Variants in STARD6 observed in about 807,000 individuals in gnomAD.
STARD6 encodes stAR-related lipid transfer protein 6.
A neutral mutation model predicts 22.3 loss-of-function variants in STARD6; 21 were observed. The observed-to-expected ratio is 0.94, with a 90% CI of 0.67 to 1.35. The LOEUF (loss-of-function observed/expected upper bound fraction) is 1.35. STARD6 is among the 40% of genes most tolerant of loss of function. STARD6 has a pLI of 0.00. For missense variants in STARD6, 269 were observed against 266.9 expected (o/e 1.01, Z -0.05); for synonymous variants, 80 against 88.1 (o/e 0.91, Z 0.52).
rs550084848 is a variant in STARD6 at position 54,326,251 on chromosome 18, A to T, written c.480-1376T>A. Among the ~76,000 whole-genome samples, 790 of 152,246 alleles carry T rather than the reference A, an allele frequency of 5.2e-3. 3 individuals carry two copies. Among genetic ancestry groups the T allele is most frequent in the Non-Finnish European group, 8.5e-3 (577 of 68,026 alleles). ...TCTGATTAGTGGCTAGTTGAGAAAA[A>T]ATTCTTTTCCAAGTCATGCCATTTT... On this transcript the variant is annotated intron_variant, in intron 7 of 7. Coordinates refer to ENST00000307844, the MANE Select transcript of STARD6 (RefSeq NM_139171.2).
chr18:54,349,049 T>C (rs767824595), intron 4 of STARD6, among the ~76,000 whole-genome samples: 3 of 152,156 alleles, frequency 2.0e-5, no homozygotes, highest in African/African-American at 2.4e-5. Flanking sequence ...AATGCAGTGA[T>C]TTATTTCTAG....
chr18:54,327,900 A>C (rs773526289), intron 7 of STARD6, among the ~76,000 whole-genome samples: 1 of 151,946 alleles, frequency 6.6e-6, no homozygotes, highest in African/African-American at 2.4e-5. Flanking sequence ...TCATTTATCC[A>C]AGGTCAACCT....
intron 4 of STARD6, among the ~76,000 whole-genome samples, chr18:54,343,268 C>A (rs1258163904): frequency 1.1e-5 from 1 of 93,866 alleles, no homozygotes; most frequent in Non-Finnish European, 2.3e-5. Flanking sequence ...CGCCCGGCAG[C>A]TGCCCCGTCT....
chr18:54,325,042 T>C (rs1198826516), intron 7 of STARD6, among the ~76,000 whole-genome samples, 167 bp from the exon 8 acceptor site: 1 of 152,198 alleles, frequency 6.6e-6, no homozygotes, highest in Non-Finnish European at 1.5e-5. Flanking sequence ...TCTTGAGTTT[T>C]AGGCACCATT....
intron 5 of STARD6, among the ~76,000 whole-genome samples, chr18:54,333,083 T>C (rs572673890): frequency 1.3e-5 from 2 of 152,316 alleles, no homozygotes; most frequent in Admixed American, 6.5e-5. Flanking sequence ...ATAATCTCTC[T>C]GAATTTGTTT....
At chr18:54,325,056 T>C (rs1351591512) in intron 7 of STARD6, among the ~76,000 whole-genome samples, 181 bp from the exon 8 acceptor site, 3 of 152,166 alleles carry the variant, frequency 2.0e-5, no homozygotes, top group African/African-American at 7.2e-5. Context: ...CACCATTTCC[T>C]TTTTGTCATT....
intron 4 of STARD6, among the ~76,000 whole-genome samples, chr18:54,352,362 G>C (rs1470355099): frequency 6.6e-6 from 1 of 151,908 alleles, no homozygotes; most frequent in Non-Finnish European, 1.5e-5. Context: ...CTTACTAATG[G>C]TCTGCCATTT....
chr18:54,343,365 G>T (rs1424055968), intron 4 of STARD6, among the ~76,000 whole-genome samples: 2 of 145,244 alleles, frequency 1.4e-5, no homozygotes, highest in Admixed American at 6.7e-5. Context: ...GTCCGGGAGG[G>T]AGGTGGGGGG....
intron 5 of STARD6, among the ~76,000 whole-genome samples, chr18:54,335,705 G>C (rs948655287): frequency 3.3e-5 from 5 of 152,110 alleles, no homozygotes; most frequent in African/African-American, 1.2e-4. Context: ...CTGTTCTCAT[G>C]ATAGTGAGTG....
intron 4 of STARD6, among the ~76,000 whole-genome samples, chr18:54,346,436 T>C (rs932502792): frequency 6.6e-6 from 1 of 152,104 alleles, no homozygotes; most frequent in East Asian, 1.9e-4. Flanking sequence ...GTGGAGAAAT[T>C]GGAACCTACA....
intron 5 of STARD6, among the ~76,000 whole-genome samples, chr18:54,332,884 A>G (rs1308515448): frequency 1.3e-5 from 2 of 152,010 alleles, no homozygotes; most frequent in Non-Finnish European, 2.9e-5. Context: ...TAGCCTGGGC[A>G]AGAGAGTGAG....
intron 2 of STARD6, among the ~76,000 whole-genome samples, chr18:54,356,093 A>T (rs1318214964): frequency 1.3e-5 from 2 of 152,240 alleles, no homozygotes; most frequent in Non-Finnish European, 2.9e-5. Flanking sequence ...CTCTTTAAAA[A>T]AATGGACACA....
intron 2 of STARD6, among the ~76,000 whole-genome samples, chr18:54,355,563 G>A (rs2144701117): frequency 6.6e-6 from 1 of 152,216 alleles, no homozygotes; most frequent in African/African-American, 2.4e-5. Context: ...CCAGAAGTTA[G>A]CAGTCTGCAA....
chr18:54,331,740 AC>A lies in STARD6; in HGVS notation c.385+1del. 6.3e-7 allele frequency: 1 copy of A among 1,599,030 alleles called. No individual in the cohort carries two copies. Among genetic ancestry groups the A allele is most frequent in the Non-Finnish European group, 8.6e-7 (1 of 1,168,998 alleles). ...AGATATGGGCAAAATGTTTCAACTT[AC>A]AACTGATAATGTTCATATTTCCTTC... On this transcript the variant is annotated splice_donor_variant, in intron 6 of 7. Transcript: ENST00000307844. LOFTEE classifies it high-confidence loss of function.
chr18:54,357,722 G>C (rs142721216), intron 1 of STARD6, 70 bp downstream of exon 1: 1 of 152,584 alleles, frequency 6.6e-6, no homozygotes, highest in Non-Finnish European at 1.5e-5. Flanking sequence ...GGAAGGGCGT[G>C]GGGGGCAGCG....
chr18:54,346,018 T>C (rs771902575), intron 4 of STARD6, among the ~76,000 whole-genome samples: 6 of 152,166 alleles, frequency 3.9e-5, no homozygotes, highest in Non-Finnish European at 5.9e-5. Flanking sequence ...AATTATTTCT[T>C]GGATTCAGCA....
intron 6 of STARD6, among the ~76,000 whole-genome samples, chr18:54,329,643 C>T (rs2088851032): frequency 6.6e-6 from 1 of 151,918 alleles, no homozygotes; most frequent in African/African-American, 2.4e-5. Flanking sequence ...TGAACTTTTT[C>T]CTGCTAGTTA....
chr18:54,336,739 G>A (rs1427404248), intron 5 of STARD6, among the ~76,000 whole-genome samples: 3 of 151,888 alleles, frequency 2.0e-5, no homozygotes, highest in Non-Finnish European at 4.4e-5. Context: ...CTTCCCCTTC[G>A]CCTTCTGCCA....
At chr18:54,341,569 A>G (rs1003132581) in intron 4 of STARD6, among the ~76,000 whole-genome samples, 3 of 152,262 alleles carry the variant, frequency 2.0e-5, no homozygotes, top group African/African-American at 7.2e-5. Context: ...CAAATTTTAC[A>G]AAGTATTTTT....
Sources: allele counts gnomAD v4.1 joint callset (sites outside exome capture counted in the v4.1 genomes callset), GRCh38; gene constraint gnomAD v4.1.1; transcripts MANE v1.5; gene names NCBI Gene and HGNC (gene_info 2026-07-23, HGNC 2026-07-21).